Variants in PCDHA9 observed in about 807,000 individuals in gnomAD.
The protein encoded by PCDHA9 is protocadherin alpha-9.
Under a neutral mutation model 62.0 loss-of-function variants are expected in PCDHA9, and 62 were observed. The observed-to-expected ratio is 1.00, with a 90% CI of 0.81 to 1.23. The LOEUF is 1.23. PCDHA9 is among the 50% of genes most tolerant of loss of function. PCDHA9 has a pLI of 0.00. For synonymous variants in PCDHA9, 557 were observed against 567.6 expected (o/e 0.98, Z 0.27); for missense variants, 1,205 against 1,249.8 (o/e 0.96, Z 0.54).
At chr5:140,898,235 T>G (rs1386232934) in intron 1 of PCDHA9, among the ~76,000 whole-genome samples, 1 of 152,220 alleles carries the variant, frequency 6.6e-6, no homozygotes, top group Non-Finnish European at 1.5e-5. Flanking sequence ...TGCCATTGCT[T>G]TTGGTGTTTT....
At chr5:140,930,553 A>C (rs1252554591) in intron 1 of PCDHA9, 1 of 152,562 alleles carries the variant, frequency 6.6e-6, no homozygotes, top group Non-Finnish European at 1.5e-5. Flanking sequence ...TTAGGACAAC[A>C]TTTTGAAGCA....
At chr5:140,954,591 G>A (rs951330274) in intron 1 of PCDHA9, among the ~76,000 whole-genome samples, 3 of 152,062 alleles carry the variant, frequency 2.0e-5, no homozygotes, top group Non-Finnish European at 2.9e-5. Context: ...GTCTGTTCAT[G>A]TTCTTTGCCC....
chr5:140,996,341 C>T (rs1554255109), intron 3 of PCDHA9, among the ~76,000 whole-genome samples: 2 of 152,160 alleles, frequency 1.3e-5, no homozygotes, highest in African/African-American at 4.8e-5. Context: ...AGTTTGAAAA[C>T]CCAACCAAAG....
At chr5:140,993,273 T>C (rs1212746492) in intron 3 of PCDHA9, among the ~76,000 whole-genome samples, 1 of 152,176 alleles carries the variant, frequency 6.6e-6, no homozygotes, top group Non-Finnish European at 1.5e-5. Flanking sequence ...TTCTTTGGTC[T>C]TTTCTTGCCC....
chr5:140,860,192 C>CATATAT (rs143984774), intron 1 of PCDHA9: 2 of 146,816 alleles, frequency 1.4e-5, no homozygotes, highest in African/African-American at 5.0e-5. Context: ...GCTCTCCTTA[C>CATATAT]ATATATATCT....
chr5:140,971,295 G>C (rs2096467939), intron 1 of PCDHA9, among the ~76,000 whole-genome samples: 2 of 152,232 alleles, frequency 1.3e-5, no homozygotes, highest in South Asian at 4.1e-4. Flanking sequence ...TATGTACTTT[G>C]GTACACAAAC....
chr5:140,967,610 T>A, intron 1 of PCDHA9: 1 of 1,614,108 alleles, frequency 6.2e-7, no homozygotes, highest in Non-Finnish European at 8.5e-7. Context: ...GCTGAATGCC[T>A]CAGACCCGGA....
In PCDHA9 at chr5:140,887,347, C is replaced by T. The variant is rs568939189; in HGVS notation, c.2394+36458C>T. Among the ~76,000 whole-genome samples the T allele has an allele frequency of 4.6e-5, 7 of 152,202 alleles. No homozygotes were observed. In the South Asian group the frequency reaches 6.2e-4, roughly 14 times the overall value. On this transcript the variant is annotated intron_variant, in intron 1 of 3. Coordinates refer to ENST00000532602, the MANE Select transcript of PCDHA9 (RefSeq NM_031857.2). ...TCCTGACCTCGTGATCCACCTGGCT[C>T]GGCCTCCCAAAGTGCTGGGATTACA...
Position 140,929,271 on chromosome 5 carries a change from A to G in PCDHA9, c.2395-49678A>G, listed in dbSNP as rs782266407. 9.9e-6 allele frequency: 16 copies of G among 1,610,716 alleles called. No individual in the cohort carries two copies. In the Admixed American group the frequency reaches 2.7e-4, roughly 27 times the overall value. On this transcript the variant is annotated intron_variant, in intron 1 of 3. Transcript: ENST00000532602. ...CTGGGGTAGGACTGAATTTGCCAAT[A>G]TCCTGTATTCAGATTCGGAATAGGA...
At chr5:140,880,877 A>G (rs1399131370) in intron 1 of PCDHA9, among the ~76,000 whole-genome samples, 8 of 152,232 alleles carry the variant, frequency 5.3e-5, no homozygotes, top group Non-Finnish European at 8.8e-5. Context: ...GAGGTAAATA[A>G]AGAAATGTAG....
chr5:140,904,177 AC>A (rs1185990725), intron 1 of PCDHA9, among the ~76,000 whole-genome samples: 1 of 151,302 alleles, frequency 6.6e-6, no homozygotes, highest in Non-Finnish European at 1.5e-5. Flanking sequence ...TTTATTCCTC[AC>A]CCCCTTCCCA....
intron 1 of PCDHA9, among the ~76,000 whole-genome samples, chr5:140,940,102 T>C (rs1372400488): frequency 2.0e-5 from 3 of 152,228 alleles, no homozygotes; most frequent in African/African-American, 7.2e-5. Context: ...ACTTTTAGCG[T>C]TATGTATTAT....
chr5:140,869,040 G>A, intron 1 of PCDHA9: 23 of 1,529,286 alleles, frequency 1.5e-5, no homozygotes, highest in Non-Finnish European at 1.9e-5. Flanking sequence ...TTTTTAACCT[G>A]AAACTGAAGA....
chr5:140,922,158 A>G (rs1318778340), intron 1 of PCDHA9, among the ~76,000 whole-genome samples: 1 of 149,104 alleles, frequency 6.7e-6, no homozygotes, highest in South Asian at 2.2e-4. Flanking sequence ...CATCAAAAAC[A>G]ACAAAAAGTA....
intron 1 of PCDHA9, chr5:140,868,770 T>C (rs936187064): frequency 1.9e-5 from 5 of 257,030 alleles, no homozygotes; most frequent in Non-Finnish European, 3.7e-5. Flanking sequence ...TTAGTTTCAA[T>C]ATGACTTATA....
intron 1 of PCDHA9, among the ~76,000 whole-genome samples, chr5:140,907,240 A>G (rs563432322): frequency 5.3e-5 from 8 of 152,310 alleles, no homozygotes; most frequent in Admixed American, 5.2e-4. Context: ...CCTAGTTGAC[A>G]TTGTAATTGT....
intron 1 of PCDHA9, among the ~76,000 whole-genome samples, chr5:140,902,174 T>C (rs1191904492): frequency 1.3e-5 from 2 of 151,720 alleles, no homozygotes; most frequent in Non-Finnish European, 2.9e-5. Context: ...AATTTGGATG[T>C]CCTTTATGTC....
intron 1 of PCDHA9, chr5:140,877,895 G>T (rs1554170219): frequency 1.4e-6 from 2 of 1,447,634 alleles, no homozygotes; most frequent in South Asian, 3.1e-5. Context: ...TTCCGTTTAG[G>T]TTATAACTAC....
intron 1 of PCDHA9, among the ~76,000 whole-genome samples, chr5:140,898,521 AGGG>A (rs1583310812): frequency 6.6e-6 from 1 of 152,252 alleles, no homozygotes; most frequent in East Asian, 1.9e-4. Context: ...GTTATTTCTG[AGGG>A]CTCTGTTCTG....
Sources: allele counts gnomAD v4.1 joint callset (sites outside exome capture counted in the v4.1 genomes callset), GRCh38; gene constraint gnomAD v4.1.1; transcripts MANE v1.5; gene names NCBI Gene and HGNC (gene_info 2026-07-23, HGNC 2026-07-21).